NCKAP5: variants seen among roughly 807,000 people sequenced by gnomAD.
NCKAP5 encodes NCK associated protein 5, also known as nck-associated protein 5.
NCKAP5 carries 92 observed loss-of-function variants against 167.0 expected under a neutral mutation model. That is an observed-to-expected ratio of 0.55 (90% CI 0.47 to 0.66). NCKAP5 has a LOEUF of 0.66. Ranked by LOEUF, NCKAP5 falls within the 30% of genes least tolerant of loss-of-function variation. The pLI is 0.00. For synonymous variants in NCKAP5, 891 were observed against 877.4 expected, an observed-to-expected ratio of 1.02 and a Z score of -0.27; for missense variants, 2,378 against 2,315.0, an observed-to-expected ratio of 1.03 and a Z score of -0.56.
At position 133,338,880 on chromosome 2, in the gene NCKAP5, C is replaced by T. The variant is rs112606695; in HGVS notation, c.70-35770G>A. Among the ~76,000 whole-genome samples, 446 of 151,992 alleles carry T rather than the reference C, an allele frequency of 2.9e-3. 3 individuals carry two copies. Among genetic ancestry groups the T allele is most frequent in the African/African-American group, 0.01 (416 of 41,474 alleles). On this transcript the variant is annotated intron_variant, in intron 3 of 19. Coordinates refer to ENST00000409261, the MANE Select transcript of NCKAP5 (RefSeq NM_207363.3). ...AAAACAAAAACAAAAATTATCTGGG[C>T]GTGGTGGTGGTCACCTGTAATCCCA... is the stretch of plus-strand genomic sequence containing the variant.
intron 2 of NCKAP5, among the ~76,000 whole-genome samples, chr2:133,537,335 G>T (rs1167096755): frequency 6.6e-6 from 1 of 151,926 alleles, no homozygotes; most frequent in Non-Finnish European, 1.5e-5. Flanking sequence ...ACTTATAAAT[G>T]TCTGCAAAAA....
At chr2:133,096,722 C>T (rs1375645872) in intron 6 of NCKAP5, among the ~76,000 whole-genome samples, 1 of 151,926 alleles carries the variant, frequency 6.6e-6, no homozygotes, top group African/African-American at 2.4e-5. Context: ...GGAAGTAAAA[C>T]TGAAATAGGG....
At position 133,414,726 on chromosome 2, in the gene NCKAP5, A is replaced by G. The variant is rs75380752; in HGVS notation, c.69+102732T>C. Among the ~76,000 whole-genome samples the G allele has an allele frequency of 7.3e-3, 1,114 of 152,316 alleles. 15 individuals carry two copies. The highest frequency in any genetic ancestry group is 0.013 in the Non-Finnish European group (863 of 68,030). ...CATTTTTCCTGGTTAGGCCATTCTA[A>G]TAGTGGTGCTTTCTCTGAATTTTAC... On this transcript the variant is annotated intron_variant, in intron 3 of 19. Coordinates refer to ENST00000409261, the MANE Select transcript of NCKAP5 (RefSeq NM_207363.3).
intron 3 of NCKAP5, among the ~76,000 whole-genome samples, chr2:133,493,244 G>A (rs1483451374): frequency 6.6e-6 from 1 of 152,150 alleles, no homozygotes; most frequent in East Asian, 1.9e-4. Flanking sequence ...GTTTTAGAGA[G>A]AGCCAGATGT....
chr2:133,037,778 C>A (rs1278379516), intron 6 of NCKAP5, among the ~76,000 whole-genome samples: 1 of 151,946 alleles, frequency 6.6e-6, no homozygotes, highest in Non-Finnish European at 1.5e-5. Flanking sequence ...GTTACCAAAG[C>A]AAAAATGGAC....
chr2:133,472,697 T>C (rs1280761713), intron 3 of NCKAP5, among the ~76,000 whole-genome samples: 4 of 152,110 alleles, frequency 2.6e-5, no homozygotes, highest in Non-Finnish European at 4.4e-5. Context: ...CCTCAAATAT[T>C]TTCCCAAACA....
At chr2:132,895,346 CAAA>C (rs563409400) in intron 8 of NCKAP5, among the ~76,000 whole-genome samples, 8,397 of 71,866 alleles carry the variant, frequency 0.12, 556 homozygotes, top group African/African-American at 0.26. Context: ...GACTCTGTCT[CAAA>C]AAAAAAAAAA....
In NCKAP5 at chr2:132,963,977, G is replaced by A. The variant is rs144499730; in HGVS notation, c.430-108C>T. Reference sequence around the variant, plus strand: ...TCTCCTGCGTGTGCATTCTTCCGGGGCTGGGAGTTTGCTAAACAAATTCTG... The same window carrying A: ...TCTCCTGCGTGTGCATTCTTCCGGGACTGGGAGTTTGCTAAACAAATTCTG... On this transcript the variant is annotated intron_variant, in intron 7 of 19. Coordinates refer to ENST00000409261, the MANE Select transcript of NCKAP5 (RefSeq NM_207363.3). 98 of 1,264,496 alleles carry A rather than the reference G, an allele frequency of 7.8e-5. No individual in the cohort carries two copies. The African/African-American group carries it at 1.3e-3, about 17-fold the overall frequency. The allele number at this position is 1,264,496 out of a possible 1,614,324, so 78.3% of individuals were successfully genotyped here.
chr2:133,075,560 A>T (rs1260436479), intron 6 of NCKAP5, among the ~76,000 whole-genome samples: 1 of 152,254 alleles, frequency 6.6e-6, no homozygotes, highest in Non-Finnish European at 1.5e-5. Context: ...ACATAATAAC[A>T]GTTACAGGAC....
intron 7 of NCKAP5, among the ~76,000 whole-genome samples, chr2:132,989,942 T>G (rs1050717619): frequency 6.6e-6 from 1 of 152,152 alleles, no homozygotes; most frequent in African/African-American, 2.4e-5. Context: ...AGATCCACGT[T>G]GTGTAAGTGC....
At chr2:133,331,275 A>G (rs1219746633) in intron 3 of NCKAP5, among the ~76,000 whole-genome samples, 1 of 152,202 alleles carries the variant, frequency 6.6e-6, no homozygotes, top group African/African-American at 2.4e-5. Flanking sequence ...GAGAGGGTAG[A>G]AGATGAATAG....
intron 6 of NCKAP5, among the ~76,000 whole-genome samples, chr2:133,090,217 A>AG (rs1274107279): frequency 6.6e-6 from 1 of 151,644 alleles, no homozygotes; most frequent in African/African-American, 2.4e-5. Context: ...AAAATTAAAA[A>AG]AAAAAAAAAA....
At chr2:133,315,632 G>GAAA (rs60000379) in intron 3 of NCKAP5, among the ~76,000 whole-genome samples, 4,328 of 130,694 alleles carry the variant, frequency 0.033, 222 homozygotes, top group African/African-American at 0.11. Flanking sequence ...GTTGAGAGGA[G>GAAA]AAAAAAAAAA....
intron 3 of NCKAP5, among the ~76,000 whole-genome samples, chr2:133,436,111 T>C (rs1690461114): frequency 6.6e-6 from 1 of 152,056 alleles, no homozygotes; most frequent in Admixed American, 6.5e-5. Flanking sequence ...ATCCCCCCAC[T>C]CCCCAAATCT....
chr2:133,465,080 C>A (rs1692466741), intron 3 of NCKAP5, among the ~76,000 whole-genome samples: 1 of 151,406 alleles, frequency 6.6e-6, no homozygotes, highest in South Asian at 2.1e-4. Flanking sequence ...CATATGTATA[C>A]ATGTGCCATG....
intron 19 of NCKAP5, 145 bp downstream of exon 19, chr2:132,725,482 T>A: frequency 2.1e-6 from 2 of 963,940 alleles, no homozygotes; most frequent in Non-Finnish European, 3.0e-6. Flanking sequence ...CAATCTTCTG[T>A]ATGTACCAGA....
intron 11 of NCKAP5, among the ~76,000 whole-genome samples, chr2:132,809,096 T>C (rs1685660449): frequency 6.6e-6 from 1 of 152,194 alleles, no homozygotes; most frequent in African/African-American, 2.4e-5. Flanking sequence ...CTTTTGGAGT[T>C]GATTTCCAGT....
At chr2:132,804,930 G>A (rs1314990556) in intron 11 of NCKAP5, among the ~76,000 whole-genome samples, 1 of 151,766 alleles carries the variant, frequency 6.6e-6, no homozygotes, top group African/African-American at 2.4e-5. Context: ...TTCTATGAAG[G>A]GAGGGACGTG....
chr2:133,088,808 T>C (rs758514258), intron 6 of NCKAP5, among the ~76,000 whole-genome samples: 9 of 152,090 alleles, frequency 5.9e-5, no homozygotes, highest in East Asian at 1.9e-4. Context: ...TTCTAGAATA[T>C]AGAATGAATT....
Sources: allele counts gnomAD v4.1 joint callset (sites outside exome capture counted in the v4.1 genomes callset), GRCh38; gene constraint gnomAD v4.1.1; transcripts MANE v1.5; gene names NCBI Gene and HGNC (gene_info 2026-07-23, HGNC 2026-07-21).